CHD1L: variants seen among roughly 807,000 people sequenced by gnomAD.
CHD1L encodes ATP-dependent chromatin remodeler CHD1L.
In CHD1L, 118 loss-of-function variants were observed where a neutral mutation model predicts 115.9. That is an observed-to-expected ratio of 1.02 (90% confidence interval 0.88 to 1.19). CHD1L has a LOEUF of 1.19. CHD1L is among the 50% of genes most tolerant of loss of function. CHD1L has a pLI of 0.00. For synonymous variants in CHD1L, 411 were observed against 387.1 expected (o/e 1.06, Z -0.72); for missense variants, 1,179 against 1,065.3 (o/e 1.11, Z -1.49).
At chr1:147,285,823 A>G (rs1553965199) in intron 17 of CHD1L, among the ~76,000 whole-genome samples, 1 of 152,006 alleles carries the variant, frequency 6.6e-6, no homozygotes, top group African/African-American at 2.4e-5. Flanking sequence ...TAACCTCCCT[A>G]GTAGCTGGGA....
intron 3 of CHD1L, among the ~76,000 whole-genome samples, 197 bp from the exon 4 acceptor site, chr1:147,255,616 T>A (rs1043793391): frequency 8.0e-4 from 122 of 152,312 alleles, no homozygotes; most frequent in African/African-American, 2.8e-3. Context: ...ATCTGATCCC[T>A]CTACCTGTTC....
the CHD1L span, chr1:147,174,705 T>G: frequency 6.6e-6 from 1 of 151,658 alleles, no homozygotes. Context: ...AAATTCCTTT[T>G]TTTTTTCTTA....
chr1:147,187,025 C>T, the CHD1L span: 1,243 of 1,614,174 alleles, frequency 7.7e-4, 1 homozygote, highest in Middle Eastern at 8.3e-4. Context: ...CTGATGCGAT[C>T]ATCTGTGGTG....
At chr1:147,204,223 T>G in the CHD1L span, 1 of 1,386,932 alleles carries the variant, frequency 7.2e-7, no homozygotes, top group African/African-American at 1.4e-5. Flanking sequence ...CTGCTATTTT[T>G]GCATCTTTGA....
At position 147,271,023 on chromosome 1, in the gene CHD1L, C is replaced by T. The variant is rs782234668; in HGVS notation, c.1159+18C>T. On this transcript the variant is annotated intron_variant, in intron 11 of 22. Transcript: ENST00000369258. ...TTACAGAGGTGACACCTTTTGGCCA[C>T]TACATTACCTAAGGCTCTGTTAGAC... 6.3e-7 allele frequency: 1 copy of T among 1,594,554 alleles called. No homozygotes were observed. Among genetic ancestry groups the T allele is most frequent in the South Asian group, 1.1e-5 (1 of 90,682 alleles).
rs148343259 is a variant in CHD1L at position 147,282,845 on chromosome 1, C to T, written c.1706-1506C>T. Among the ~76,000 whole-genome samples, 894 of 152,252 alleles carry T rather than the reference C, an allele frequency of 5.9e-3. 4 individuals are homozygous for T. Among genetic ancestry groups the T allele is most frequent in the Non-Finnish European group, 9.3e-3 (633 of 68,010 alleles). ...AATAATTTTACTTTATTTAGACAGT[C>T]CAACTGCCAGAAAAAATCCCCAGTT... is the stretch of plus-strand genomic sequence containing the variant. On this transcript the variant is annotated intron_variant, in intron 15 of 22. Coordinates refer to ENST00000369258, the MANE Select transcript of CHD1L (RefSeq NM_004284.6).
the CHD1L span, among the ~76,000 whole-genome samples, chr1:147,229,384 C>A: frequency 6.6e-6 from 1 of 152,026 alleles, no homozygotes; most frequent in Non-Finnish European, 1.5e-5. Flanking sequence ...GTTTTGGTAC[C>A]AGTACCATGC....
chr1:147,258,380 C>G (rs1670802527), intron 5 of CHD1L, among the ~76,000 whole-genome samples: 1 of 152,170 alleles, frequency 6.6e-6, no homozygotes, highest in Non-Finnish European at 1.5e-5. Flanking sequence ...ATTTTTTGGA[C>G]ACCTAAATGT....
At chr1:147,252,955 A>G (rs1668899581) in intron 2 of CHD1L, among the ~76,000 whole-genome samples, 1 of 152,204 alleles carries the variant, frequency 6.6e-6, no homozygotes, top group Non-Finnish European at 1.5e-5. Context: ...GGGCCAGCAA[A>G]TGCTACTTGT....
chr1:147,230,765 C>A, the CHD1L span, among the ~76,000 whole-genome samples: 1 of 150,142 alleles, frequency 6.7e-6, no homozygotes, highest in Non-Finnish European at 1.5e-5. Context: ...GGAATTTATC[C>A]ATTTCTTCTA....
the CHD1L span, among the ~76,000 whole-genome samples, chr1:147,198,756 C>G: frequency 6.9e-6 from 1 of 144,842 alleles, no homozygotes; most frequent in African/African-American, 2.6e-5. Flanking sequence ...GAGGCTGAGG[C>G]AGTAGAATGG....
Position 147,270,945 on chromosome 1 carries a change from T to A in CHD1L, c.1099T>A (p.Leu367Ile). The A allele has an allele frequency of 6.2e-7, 1 of 1,614,104 alleles. No homozygotes were observed. The highest frequency in any genetic ancestry group is 8.5e-7 in the Non-Finnish European group (1 of 1,179,982). ...AFLYSGGHRV[L>I]LFSQMTQMLD... ...TTTTCTTGCCAGGGGCCATCGGGTT[T>A]TACTTTTCTCCCAAATGACCCAGAT... Residue 367 changes from leucine (L) to isoleucine (I), a missense_variant, in exon 11 of 23, where the codon TTA becomes ATA. Physicochemically the swap from Leu to Ile is conservative, Grantham distance 5 (BLOSUM62 2). Coordinates refer to ENST00000369258, the MANE Select transcript of CHD1L (RefSeq NM_004284.6).
the CHD1L span, among the ~76,000 whole-genome samples, chr1:147,188,209 T>C: frequency 6.6e-6 from 1 of 152,164 alleles, no homozygotes. Context: ...ATTTATCCTA[T>C]AATAGTAGGT....
chr1:147,231,825 C>A, the CHD1L span, among the ~76,000 whole-genome samples: 19 of 152,188 alleles, frequency 1.2e-4, no homozygotes, highest in Non-Finnish European at 2.9e-5. Context: ...CAGGTGCTGT[C>A]TGTCGCCCCT....
intron 1 of CHD1L, among the ~76,000 whole-genome samples, chr1:147,246,273 C>G (rs587753650): frequency 2.0e-5 from 3 of 152,124 alleles, no homozygotes; most frequent in African/African-American, 7.2e-5. Context: ...CACAGTATAC[C>G]ACAGTTTGTT....
chr1:147,269,346 C>T (rs1553951102), intron 10 of CHD1L, among the ~76,000 whole-genome samples: 1 of 152,060 alleles, frequency 6.6e-6, no homozygotes, highest in African/African-American at 2.4e-5. Context: ...TTGAAGGACT[C>T]TTTCTCAGGG....
At chr1:147,234,548 G>A in the CHD1L span, among the ~76,000 whole-genome samples, 185 of 152,352 alleles carry the variant, frequency 1.2e-3, 2 homozygotes, top group South Asian at 7.2e-3. Context: ...GTGCCCACAC[G>A]TGGCCTGGCA....
chr1:147,242,973 G>T (rs587689150), intron 1 of CHD1L, 143 bp downstream of exon 1: 1 of 1,042,410 alleles, frequency 9.6e-7, no homozygotes. Flanking sequence ...TGCCGTGGGC[G>T]GAGAGAAACT....
the CHD1L span, among the ~76,000 whole-genome samples, chr1:147,217,939 C>T: frequency 2.6e-5 from 4 of 152,144 alleles, no homozygotes; most frequent in Non-Finnish European, 5.9e-5. Context: ...TGATAAATAG[C>T]ACTCAATAAA....
Sources: gnomAD v4.1 joint callset for allele counts (sites outside exome capture counted in the v4.1 genomes callset) on GRCh38, gnomAD v4.1.1 for gene constraint, MANE v1.5 for transcripts, NCBI Gene and HGNC (gene_info 2026-07-23, HGNC 2026-07-21) for gene names.